Variants in C10orf67 observed in about 807,000 individuals in gnomAD.
C10orf67 encodes the protein chromosome 10 open reading frame 67, also known as uncharacterized protein C10orf67, mitochondrial.
Under a neutral mutation model 35.6 loss-of-function variants are expected in C10orf67, and 60 were observed. The ratio of observed to expected loss-of-function variants is 1.68; its 90% CI spans 1.37 to 2.09. The LOEUF (loss-of-function observed/expected upper bound fraction) is 2.09, where lower values mean the gene tolerates loss of function less well. Among genes scored for constraint, C10orf67 ranks in the 30% most tolerant of loss-of-function variants. The pLI is 0.00. For missense variants in C10orf67, 474 were observed against 330.2 expected, an observed-to-expected ratio of 1.44 and a Z score of -3.38; for synonymous variants, 167 against 115.8, an observed-to-expected ratio of 1.44 and a Z score of -2.84.
At chr10:23,218,052 T>A (rs368241404) in intron 15 of C10orf67, among the ~76,000 whole-genome samples, 7 of 152,224 alleles carry the variant, frequency 4.6e-5, no homozygotes, top group African/African-American at 1.4e-4. Context: ...ATCACTTCTC[T>A]AATCCAGTTG....
chr10:23,224,663 T>A (rs1841684942), intron 13 of C10orf67, among the ~76,000 whole-genome samples: 1 of 151,972 alleles, frequency 6.6e-6, no homozygotes, highest in Admixed American at 6.6e-5. Flanking sequence ...CTAGAATAAC[T>A]AGTGTAGAGA....
At chr10:23,269,370 C>G (rs1243165719) in intron 8 of C10orf67, among the ~76,000 whole-genome samples, 1 of 152,094 alleles carries the variant, frequency 6.6e-6, no homozygotes, top group Non-Finnish European at 1.5e-5. Flanking sequence ...ATGTAAATTA[C>G]AATCACTAGA....
At chr10:23,212,939 A>C (rs1320263558) in intron 15 of C10orf67, among the ~76,000 whole-genome samples, 1 of 152,230 alleles carries the variant, frequency 6.6e-6, no homozygotes, top group Non-Finnish European at 1.5e-5. Flanking sequence ...AAGTTGATGA[A>C]ACAGTATGAC....
At chr10:23,296,557 C>T (rs1475186239) in intron 5 of C10orf67, among the ~76,000 whole-genome samples, 4 of 152,162 alleles carry the variant, frequency 2.6e-5, no homozygotes, top group African/African-American at 7.2e-5. Context: ...AACCCAAGTG[C>T]TGTTGGGGAG....
intron 15 of C10orf67, among the ~76,000 whole-genome samples, chr10:23,211,138 A>C (rs973041025): frequency 6.6e-6 from 1 of 152,072 alleles, no homozygotes; most frequent in African/African-American, 2.4e-5. Context: ...AAGGTGTCTG[A>C]AATTTGTAGG....
intron 8 of C10orf67, among the ~76,000 whole-genome samples, chr10:23,279,443 G>A (rs376224122): frequency 2.6e-5 from 4 of 152,366 alleles, no homozygotes; most frequent in South Asian, 4.1e-4. Context: ...GCCTCGGAGG[G>A]AACGCAGGTG....
At chr10:23,212,382 C>A (rs1051151590) in intron 15 of C10orf67, among the ~76,000 whole-genome samples, 2 of 152,176 alleles carry the variant, frequency 1.3e-5, no homozygotes, top group Non-Finnish European at 2.9e-5. Flanking sequence ...CCAAACCACA[C>A]GTCTCTTGTT....
At chr10:23,231,033 A>G (rs183888561) in intron 13 of C10orf67, among the ~76,000 whole-genome samples, 1 of 152,080 alleles carries the variant, frequency 6.6e-6, no homozygotes, top group African/African-American at 2.4e-5. Flanking sequence ...AGGCACAATC[A>G]TGGCTCACTG....
At chr10:23,271,602 A>T (rs1045233788) in intron 8 of C10orf67, among the ~76,000 whole-genome samples, 1 of 152,198 alleles carries the variant, frequency 6.6e-6, no homozygotes, top group Non-Finnish European at 1.5e-5. Flanking sequence ...CGACCTTTTA[A>T]ATTTTAGCCA....
intron 13 of C10orf67, among the ~76,000 whole-genome samples, chr10:23,230,087 A>G (rs977560396): frequency 2.3e-4 from 35 of 152,172 alleles, no homozygotes; most frequent in African/African-American, 7.7e-4. Context: ...GCCTTATCAG[A>G]TAAGATTTAG....
intron 10 of C10orf67, among the ~76,000 whole-genome samples, chr10:23,257,207 C>T (rs915106182): frequency 1.2e-4 from 18 of 152,098 alleles, no homozygotes; most frequent in Non-Finnish European, 1.0e-4. Flanking sequence ...AGATACAAGG[C>T]GAGTGAACTG....
chr10:23,303,009 C>T (rs1844142061), intron 5 of C10orf67, among the ~76,000 whole-genome samples: 1 of 152,236 alleles, frequency 6.6e-6, no homozygotes, highest in African/African-American at 2.4e-5. Context: ...TCCACTCCCA[C>T]ACTCTTCTAG....
intron 2 of C10orf67, among the ~76,000 whole-genome samples, chr10:23,331,223 A>C (rs1588705633): frequency 4.7e-5 from 1 of 21,450 alleles, no homozygotes; most frequent in Non-Finnish European, 7.1e-5. Context: ...AAGGGAAGGG[A>C]AGGGAGGAGG....
At chr10:23,343,655 G>A (rs922266863) in intron 1 of C10orf67, among the ~76,000 whole-genome samples, 2 of 152,084 alleles carry the variant, frequency 1.3e-5, no homozygotes, top group Non-Finnish European at 2.9e-5. Context: ...CCTAACTCAC[G>A]GCCCCTGTGA....
intron 5 of C10orf67, among the ~76,000 whole-genome samples, chr10:23,299,901 C>G (rs1844015053): frequency 6.6e-6 from 1 of 151,980 alleles, no homozygotes; most frequent in Non-Finnish European, 1.5e-5. Flanking sequence ...TGGCGCGAAC[C>G]CAGGATGTGG....
At chr10:23,231,326 T>C (rs1334864173) in intron 13 of C10orf67, among the ~76,000 whole-genome samples, 1 of 152,170 alleles carries the variant, frequency 6.6e-6, no homozygotes, top group Non-Finnish European at 1.5e-5. Flanking sequence ...TCCTTAAGGA[T>C]AAATATTCTT....
chr10:23,279,320 C>T (rs958953749), intron 8 of C10orf67, among the ~76,000 whole-genome samples: 1 of 152,234 alleles, frequency 6.6e-6, no homozygotes, highest in Non-Finnish European at 1.5e-5. Context: ...CCACTATTCA[C>T]AGAGCTTCCA....
At chr10:23,219,610 A>G (rs1271539159) in intron 15 of C10orf67, among the ~76,000 whole-genome samples, 2 of 152,180 alleles carry the variant, frequency 1.3e-5, no homozygotes, top group Non-Finnish European at 2.9e-5. Context: ...TAATCCCCTT[A>G]GAGTAACAAG....
At chr10:23,337,452 T>C (rs1845733346) in intron 1 of C10orf67, among the ~76,000 whole-genome samples, 1 of 152,192 alleles carries the variant, frequency 6.6e-6, no homozygotes, top group South Asian at 2.1e-4. Context: ...GAAGATCACC[T>C]GAGCCTGGGA....
Sources: allele counts gnomAD v4.1 joint callset (sites outside exome capture counted in the v4.1 genomes callset), GRCh38; gene constraint gnomAD v4.1.1; transcripts MANE v1.5; gene names NCBI Gene and HGNC (gene_info 2026-07-23, HGNC 2026-07-21).